The following DPH6 variants were observed in gnomAD, a reference collection of about 807,000 sequenced individuals.
DPH6 encodes the protein diphthamine biosynthesis 6, also known as diphthine--ammonia ligase.
In DPH6, 33 loss-of-function variants were observed where a neutral mutation model predicts 38.2. The observed-to-expected ratio is 0.86, with a 90% CI of 0.65 to 1.15. The LOEUF (loss-of-function observed/expected upper bound fraction) is 1.15, where lower values mean the gene tolerates loss of function less well. DPH6 is among the 50% of genes most tolerant of loss of function. The probability of loss-of-function intolerance (pLI) is 0.00; values close to 1 mark genes in which losing one functional copy is unlikely to be tolerated. For missense variants in DPH6, 325 were observed against 320.0 expected (o/e 1.02, Z -0.12); for synonymous variants, 108 against 103.0 (o/e 1.05, Z -0.30).
Position 35,373,615 on chromosome 15 carries a change from T to C in DPH6, c.663-7A>G, listed in dbSNP as rs1357998072. ...GACTACTTCTGATGAATCCCTGAAA[T>C]ACAAAAATTTTACAATACATTTATA... On this transcript the variant is annotated splice_polypyrimidine_tract_variant and splice_region_variant and intron_variant, in intron 7 of 8. Transcript: ENST00000256538. 10 of 1,601,748 alleles carry C rather than the reference T, an allele frequency of 6.2e-6. No homozygotes were observed. Among genetic ancestry groups the C allele is most frequent in the Non-Finnish European group, 8.5e-6 (10 of 1,174,894 alleles).
At chr15:35,445,011 C>T (rs1336916887) in intron 5 of DPH6, among the ~76,000 whole-genome samples, 1 of 152,044 alleles carries the variant, frequency 6.6e-6, no homozygotes, top group Non-Finnish European at 1.5e-5. Context: ...TGCACACATA[C>T]AAAAAAGTAT....
intron 3 of DPH6, among the ~76,000 whole-genome samples, chr15:35,306,915 C>T (rs1359918552): frequency 6.6e-6 from 1 of 152,088 alleles, no homozygotes; most frequent in Non-Finnish European, 1.5e-5. Flanking sequence ...GATGTTGTCA[C>T]GTGGCCCTTA....
intron 3 of DPH6, among the ~76,000 whole-genome samples, chr15:35,350,663 G>C (rs1050194091): frequency 6.6e-6 from 1 of 151,964 alleles, no homozygotes; most frequent in African/African-American, 2.4e-5. Context: ...AGATATTTTC[G>C]CATTTCTCTT....
At chr15:35,353,276 T>C (rs2052531379) in intron 3 of DPH6, among the ~76,000 whole-genome samples, 1 of 152,188 alleles carries the variant, frequency 6.6e-6, no homozygotes, top group Non-Finnish European at 1.5e-5. Flanking sequence ...AGAAGCTCTT[T>C]AGTTTAATTA....
At position 35,477,781 on chromosome 15, in the gene DPH6, C is replaced by T. The variant is rs553904278; in HGVS notation, c.313-22961G>A. The stretch of plus-strand genomic sequence containing the variant: ...ACATTCTCACTTCTTATCCAGCCAT[C>T]GTAGGGTTCAGCAAAAAGAAAATTA... On this transcript the variant is annotated intron_variant, in intron 3 of 8. Transcript: ENST00000256538. 4.9e-4 allele frequency among the ~76,000 whole-genome samples: 74 copies of T among 151,862 alleles called. No individual in the cohort carries two copies. In the South Asian group the frequency reaches 0.015, roughly 31 times the overall value.
At chr15:35,156,037 A>G in the DPH6 span, among the ~76,000 whole-genome samples, 1 of 152,182 alleles carries the variant, frequency 6.6e-6, no homozygotes, top group Non-Finnish European at 1.5e-5. Flanking sequence ...TGAAATTCAC[A>G]TTTGAGAAAT....
At chr15:35,165,593 AG>A in the DPH6 span, among the ~76,000 whole-genome samples, 3 of 151,930 alleles carry the variant, frequency 2.0e-5, no homozygotes, top group Non-Finnish European at 4.4e-5. Context: ...TGAATTTTTC[AG>A]CACTCAATTT....
At chr15:35,199,640 G>C in the DPH6 span, among the ~76,000 whole-genome samples, 8 of 151,868 alleles carry the variant, frequency 5.3e-5, no homozygotes, top group Admixed American at 1.3e-4. Flanking sequence ...TTCATATCAT[G>C]CTATTTTAAA....
At chr15:35,338,747 G>A (rs2052395912) in intron 3 of DPH6, among the ~76,000 whole-genome samples, 1 of 152,156 alleles carries the variant, frequency 6.6e-6, no homozygotes, top group Non-Finnish European at 1.5e-5. Context: ...GTTTATTGCG[G>A]CACTATTCAC....
intron 5 of DPH6, among the ~76,000 whole-genome samples, chr15:35,436,554 T>C (rs2053717960): frequency 6.7e-6 from 1 of 149,500 alleles, no homozygotes; most frequent in African/African-American, 2.5e-5. Flanking sequence ...CACTCCAGCC[T>C]GGGTGACAGA....
rs750985495 is a variant in DPH6 at position 35,285,853 on chromosome 15, A to ATTATCATT, written n.201-65279_201-65272dup. 5.2e-3 allele frequency among the ~76,000 whole-genome samples: 214 copies of ATTATCATT among 41,112 alleles called. 1 individual carries two copies. The highest frequency in any genetic ancestry group is 0.016 in the East Asian group (20 of 1,268). The allele number at this position is 41,112 out of a possible 152,430, so 27.0% of individuals were successfully genotyped here. A position where few individuals can be genotyped will look rare whatever the true frequency, so the allele number is the denominator to read the frequency against. On this transcript the variant is annotated intron_variant and non_coding_transcript_variant, in intron 3 of 3. Coordinates refer to the DPH6 transcript ENST00000560386. Reference sequence around the variant, plus strand: ...CCTGATGAGATTCTGGACTGACTCAATTATCATTTTATCTTTGAGTTTTTT... The same window carrying ATTATCATT: ...CCTGATGAGATTCTGGACTGACTCAATTATCATTTTATCATTTTATCTTTGAGTTTTTT...
At chr15:35,526,236 A>G (rs1339119907) in intron 3 of DPH6, among the ~76,000 whole-genome samples, 2 of 152,214 alleles carry the variant, frequency 1.3e-5, no homozygotes, top group Non-Finnish European at 2.9e-5. Context: ...ACTGGTCTTA[A>G]AATAGACCAT....
At chr15:35,290,284 C>T (rs2051971404) in intron 3 of DPH6, among the ~76,000 whole-genome samples, 1 of 152,184 alleles carries the variant, frequency 6.6e-6, no homozygotes. Flanking sequence ...TACTTTACTT[C>T]CAGCGAGACC....
chr15:35,250,216 T>TA (rs377025751), intron 3 of DPH6, among the ~76,000 whole-genome samples: 3 of 150,746 alleles, frequency 2.0e-5, no homozygotes, highest in South Asian at 2.1e-4. Flanking sequence ...AACAAAAAAA[T>TA]AAAAAAAATA....
the DPH6 span, among the ~76,000 whole-genome samples, chr15:35,149,437 C>T: frequency 2.6e-5 from 4 of 152,168 alleles, no homozygotes; most frequent in Non-Finnish European, 5.9e-5. Flanking sequence ...CGGGGTTTCA[C>T]CATGTTGGCC....
chr15:35,502,363 A>G (rs868313611), intron 3 of DPH6, among the ~76,000 whole-genome samples: 10 of 152,072 alleles, frequency 6.6e-5, no homozygotes, highest in Non-Finnish European at 1.5e-4. Flanking sequence ...GCAAAGTGAG[A>G]TAAAACAAAA....
At chr15:35,392,817 C>T (rs1426194459) in intron 6 of DPH6, among the ~76,000 whole-genome samples, 1 of 152,094 alleles carries the variant, frequency 6.6e-6, no homozygotes, top group Non-Finnish European at 1.5e-5. Context: ...ATTAAGTTAA[C>T]CCTGAAAGAT....
intron 3 of DPH6, among the ~76,000 whole-genome samples, chr15:35,236,763 C>T (rs1440262679): frequency 6.6e-6 from 1 of 151,954 alleles, no homozygotes; most frequent in Non-Finnish European, 1.5e-5. Context: ...GACCTGTAAA[C>T]CAGTATGATC....
chr15:35,478,800 A>T (rs936230189), intron 3 of DPH6, among the ~76,000 whole-genome samples: 1 of 152,032 alleles, frequency 6.6e-6, no homozygotes, highest in Non-Finnish European at 1.5e-5. Flanking sequence ...TTTTAATAAG[A>T]GGATTTAGAA....
Sources: allele counts gnomAD v4.1 joint callset (sites outside exome capture counted in the v4.1 genomes callset), GRCh38; gene constraint gnomAD v4.1.1; transcripts MANE v1.5; gene names NCBI Gene and HGNC (gene_info 2026-07-23, HGNC 2026-07-21).